Variants in PARD3B observed in about 807,000 individuals in gnomAD.
The protein encoded by PARD3B is partitioning defective 3 homolog B.
A neutral mutation model predicts 130.2 loss-of-function variants in PARD3B; 103 were observed. The observed-to-expected ratio is 0.79, with a 90% CI of 0.67 to 0.93. The LOEUF is 0.93. Among genes scored for constraint, PARD3B ranks in the 40% least tolerant of loss-of-function variants. The pLI, the probability that PARD3B is intolerant of heterozygous loss-of-function variation, is 0.00. For synonymous variants in PARD3B, 583 were observed against 553.2 expected (o/e 1.05, Z -0.76); for missense variants, 1,609 against 1,499.2 (o/e 1.07, Z -1.21).
At chr2:205,060,969 C>T (rs181935143) in intron 4 of PARD3B, among the ~76,000 whole-genome samples, 29 of 152,170 alleles carry the variant, frequency 1.9e-4, no homozygotes, top group African/African-American at 6.7e-4. Flanking sequence ...GAATGGGAAG[C>T]TTCAAGGGAC....
intron 1 of PARD3B, among the ~76,000 whole-genome samples, chr2:204,663,057 C>A (rs564365345): frequency 3.9e-5 from 6 of 152,258 alleles, no homozygotes; most frequent in African/African-American, 9.6e-5. Flanking sequence ...CAAAACTAAC[C>A]ATATAGGTAT....
At chr2:204,725,189 A>G (rs1162560403) in intron 2 of PARD3B, among the ~76,000 whole-genome samples, 1 of 152,156 alleles carries the variant, frequency 6.6e-6, no homozygotes, top group Non-Finnish European at 1.5e-5. Context: ...TCAAAATACC[A>G]CTTAATCAGA....
At chr2:205,048,001 A>G (rs1213569806) in intron 4 of PARD3B, 1 of 198,032 alleles carries the variant, frequency 5.0e-6, no homozygotes, top group African/African-American at 2.3e-5. Flanking sequence ...ATTGAGGCAG[A>G]GGAAGGTTTA....
intron 1 of PARD3B, among the ~76,000 whole-genome samples, chr2:204,585,519 T>A (rs1241470235): frequency 7.5e-5 from 11 of 147,628 alleles, no homozygotes; most frequent in African/African-American, 2.9e-4. Flanking sequence ...TTTTTTTTAA[T>A]TTTTTGTGGA....
intron 18 of PARD3B, among the ~76,000 whole-genome samples, chr2:205,380,952 ATGTAT>A (rs1354882398): frequency 4.7e-5 from 3 of 63,718 alleles, no homozygotes; most frequent in African/African-American, 8.3e-5. Context: ...ATAATATATA[ATGTAT>A]ATAATATCTA....
At chr2:205,272,582 A>G (rs930401636) in intron 16 of PARD3B, among the ~76,000 whole-genome samples, 5 of 152,222 alleles carry the variant, frequency 3.3e-5, no homozygotes, top group Admixed American at 6.5e-5. Flanking sequence ...CAGAGGAGGC[A>G]GGCAGGCTAG....
intron 2 of PARD3B, among the ~76,000 whole-genome samples, chr2:204,688,519 G>A (rs2037195722): frequency 6.7e-6 from 1 of 149,592 alleles, no homozygotes; most frequent in African/African-American, 2.5e-5. Flanking sequence ...GGCAGAGGTT[G>A]CAGTGAGCCA....
chr2:205,550,982 C>CATATATATATATAT lies in PARD3B; in HGVS notation c.3181-2341_3181-2340insTATATATATATATA, dbSNP rs1181192073. Among the ~76,000 whole-genome samples, 55 of 94,406 alleles carry CATATATATATATAT rather than the reference C, an allele frequency of 5.8e-4. No individual in the cohort carries two copies. Among genetic ancestry groups the CATATATATATATAT allele is most frequent in the African/African-American group, 2.0e-3 (53 of 25,886 alleles). 61.9% of individuals were successfully genotyped at this position (94,406 alleles called of 152,430 possible). A position where few individuals can be genotyped will look rare whatever the true frequency, so the allele number is the denominator to read the frequency against. ...ATATATATATATATATATATACACA[C>CATATATATATATAT]ACACACACACACACACACACATAAT... On this transcript the variant is annotated intron_variant, in intron 21 of 22. Transcript: ENST00000406610. The surrounding 1 kb of genome is among the most constrained non-coding windows in gnomAD (Gnocchi z 4.5).
At chr2:204,547,554 G>T (rs1164065306) in intron 1 of PARD3B, among the ~76,000 whole-genome samples, 1 of 152,164 alleles carries the variant, frequency 6.6e-6, no homozygotes, top group Non-Finnish European at 1.5e-5. Context: ...GTTAACTGAT[G>T]TTTAAACAAG....
rs1041645161 is a variant in PARD3B at position 205,458,944 on chromosome 2, G to C, written c.3044+18272G>C. 1.3e-5 allele frequency among the ~76,000 whole-genome samples: 2 copies of C among 152,148 alleles called. No individual in the cohort carries two copies. The highest frequency in any genetic ancestry group is 2.9e-5 in the Non-Finnish European group (2 of 68,008). On this transcript the variant is annotated intron_variant, in intron 20 of 22. Transcript: ENST00000406610. This position sits in a 1 kb window ranked among gnomAD's most constrained non-coding sequence, Gnocchi z 4.8. Reference sequence around the variant, plus strand: ...TAGTTATGTGAGGGGTAGTGTATTAGTTTACTCTTACTCCTAGAGGGTAAC... The same window carrying C: ...TAGTTATGTGAGGGGTAGTGTATTACTTTACTCTTACTCCTAGAGGGTAAC...
Position 205,209,416 on chromosome 2 carries a change from T to C in PARD3B, c.2140+16096T>C, listed in dbSNP as rs139606547. 7.5e-3 allele frequency among the ~76,000 whole-genome samples: 1,137 copies of C among 152,248 alleles called. 16 individuals are homozygous for C. The highest frequency in any genetic ancestry group is 0.026 in the African/African-American group (1,067 of 41,560). On this transcript the variant is annotated intron_variant, in intron 15 of 22. Transcript: ENST00000406610. The stretch of plus-strand genomic sequence containing the variant: ...CCTTTTTAAAGAACTTTTGTTTTCA[T>C]ATAAGAACATCTTCCTAAAAGTATG...
intron 4 of PARD3B, among the ~76,000 whole-genome samples, chr2:205,085,334 C>G (rs1701679696): frequency 1.3e-5 from 2 of 151,786 alleles, no homozygotes; most frequent in African/African-American, 4.8e-5. Context: ...TGACTCTTAG[C>G]TAAAGGTAAG....
intron 1 of PARD3B, among the ~76,000 whole-genome samples, chr2:204,592,069 A>G (rs1435683718): frequency 6.6e-6 from 1 of 152,274 alleles, no homozygotes; most frequent in Non-Finnish European, 1.5e-5. Context: ...TCATTTAGGT[A>G]TGGTTGCAAT....
intron 3 of PARD3B, among the ~76,000 whole-genome samples, chr2:204,994,679 G>T (rs1466107706): frequency 6.6e-6 from 1 of 151,550 alleles, no homozygotes; most frequent in Non-Finnish European, 1.5e-5. Context: ...TGACAGTGGG[G>T]TGTTAAAGTC....
chr2:205,061,810 AT>A (rs925945291), intron 4 of PARD3B, among the ~76,000 whole-genome samples: 3 of 151,722 alleles, frequency 2.0e-5, no homozygotes, highest in African/African-American at 7.3e-5. Flanking sequence ...AAAAAAAAAA[AT>A]TCCTCCAAAG....
chr2:204,871,554 G>T (rs188566071), intron 2 of PARD3B, among the ~76,000 whole-genome samples: 1 of 152,070 alleles, frequency 6.6e-6, no homozygotes, highest in Admixed American at 6.6e-5. Flanking sequence ...TAAACTTGAA[G>T]TGCTAGAAAA....
intron 2 of PARD3B, among the ~76,000 whole-genome samples, chr2:204,925,830 A>G (rs1434105579): frequency 1.3e-5 from 2 of 152,088 alleles, no homozygotes; most frequent in African/African-American, 4.8e-5. Flanking sequence ...TCATTAGATC[A>G]TGGGGGCATT....
At chr2:204,977,674 T>C (rs563241596) in intron 3 of PARD3B, among the ~76,000 whole-genome samples, 4 of 151,626 alleles carry the variant, frequency 2.6e-5, no homozygotes, top group Admixed American at 6.6e-5. Flanking sequence ...TCTCTGGGCA[T>C]GGTGGCGGGC....
rs1377891972 is a variant in PARD3B at position 205,122,000 on chromosome 2, T to C, written c.1165+51T>C. 4.1e-6 allele frequency: 6 copies of C among 1,463,726 alleles called. No individual in the cohort carries two copies. The highest frequency in any genetic ancestry group is 1.4e-5 in the African/African-American group (1 of 70,790). The allele number at this position is 1,463,726 out of a possible 1,614,324, so 90.7% of individuals were successfully genotyped here. A position where few individuals can be genotyped will look rare whatever the true frequency, so the allele number is the denominator to read the frequency against. On this transcript the variant is annotated intron_variant, in intron 8 of 22. Transcript: ENST00000406610. The surrounding 1 kb of genome is among the most constrained non-coding windows in gnomAD (Gnocchi z 5.0). The stretch of plus-strand genomic sequence containing the variant: ...CATTCTATTATTGTAACATGTAAAA[T>C]TGGTTAAGAGAAATGCATTAAGGCT...
Sources: allele counts gnomAD v4.1 joint callset (sites outside exome capture counted in the v4.1 genomes callset), GRCh38; gene constraint gnomAD v4.1.1; non-coding constraint Gnocchi (gnomAD v3.1); transcripts MANE v1.5; gene names NCBI Gene and HGNC (gene_info 2026-07-23, HGNC 2026-07-21).